Variants in TTN observed in about 807,000 individuals in gnomAD.
The protein encoded by TTN is titin, also known as connectin.
In TTN, 1,525 loss-of-function variants were observed where a neutral mutation model predicts 3,223.0. That is an observed-to-expected ratio of 0.47 (90% CI 0.45 to 0.49). The LOEUF (loss-of-function observed/expected upper bound fraction) is 0.49, where lower values mean the gene tolerates loss of function less well. TTN is among the 20% of genes least tolerant of loss of function. The probability of loss-of-function intolerance (pLI) is 0.00; values close to 1 mark genes in which losing one functional copy is unlikely to be tolerated. For synonymous variants in TTN, 14,094 were observed against 15,161.0 expected (o/e 0.93, Z 5.17); for missense variants, 40,786 against 43,424.0 (o/e 0.94, Z 5.40).
At chr2:178,543,686 A>T in intron 346 of TTN, 24 bp from the exon 347 acceptor site, 4 of 1,550,728 alleles carry the variant, frequency 2.6e-6, no homozygotes, top group Non-Finnish European at 3.5e-6. Context: ...TGAAAGATTC[A>T]TATTTCCTAT....
Position 178,679,697 on chromosome 2 carries a change from T to C in TTN, c.33581-15A>G. 3 of 1,595,382 alleles carry C rather than the reference T, an allele frequency of 1.9e-6. No individual in the cohort carries two copies. The highest frequency in any genetic ancestry group is 2.6e-6 in the Non-Finnish European group (3 of 1,173,538). ...TACCTCAGGCACTTTAAAGATATTA[T>C]TAAGAATGTTGGAAATTTTGCAGGA... On this transcript the variant is annotated splice_polypyrimidine_tract_variant and intron_variant, in intron 140 of 362. Transcript: ENST00000589042.
At position 178,704,270 on chromosome 2, in the gene TTN, G is replaced by C; in HGVS notation, c.30100C>G (p.His10034Asp). 3 of 1,613,992 alleles carry C rather than the reference G, an allele frequency of 1.9e-6. No individual in the cohort carries two copies. Among genetic ancestry groups the C allele is most frequent in the Non-Finnish European group, 2.5e-6 (3 of 1,179,872 alleles). The change falls in exon 106 of 363, where the codon CAT becomes GAT. Residue 10034 changes from histidine (H) to aspartate (D), a missense_variant. By Grantham distance (81) the His-to-Asp change is moderately conservative. Coordinates refer to ENST00000589042, the MANE Select transcript of TTN (RefSeq NM_001267550.2). ...NGRILKPQGR[H>D]KTEVEHKVHK... ...ACTTTGTGTTCCACTTCTGTTTTAT[G>C]TCTACCTTGGGGTTTAAGGATTCTG...
At position 178,569,791 on chromosome 2, in the gene TTN, C is replaced by G. The variant is rs1367546444; in HGVS notation, c.76341G>C (p.Val25447=). The part of the protein sequence containing the change: ...IQGYIVEKCD[V]SVGEWTMCTP... ...TGCACATTGTCCATTCACCAACACT[C>G]ACATCACATTTTTCAACAATGTATC... Residue 25447 remains valine (V), a synonymous_variant, in exon 326 of 363, where the codon GTG becomes GTC. Transcript: ENST00000589042. 1 of 1,613,152 alleles carries G rather than the reference C, an allele frequency of 6.2e-7. No individual in the cohort carries two copies. The highest frequency in any genetic ancestry group is 8.5e-7 in the Non-Finnish European group (1 of 1,179,596).
rs952359009 is a variant in TTN at position 178,735,862 on chromosome 2, T to C, written c.14584A>G (p.Arg4862Gly). 3 of 1,613,786 alleles carry C rather than the reference T, an allele frequency of 1.9e-6. No homozygotes were observed. The African/African-American group carries it at 4.0e-5, about 22-fold the overall frequency. Residue 4862 changes from arginine to glycine, a missense_variant, in exon 50 of 363, where the codon AGA (arginine) becomes GGA (glycine). Physicochemically the swap from Arg to Gly is moderately radical, Grantham distance 125. Coordinates refer to ENST00000589042, the MANE Select transcript of TTN (RefSeq NM_001267550.2). ...GAAGCCTTACAAGAATAAACTCCTC[T>C]ATCTTGAATGGTAAGGTTTGAGAGT... ...LELSNLTIQD[R>G]GVYSCKASNK...
Position 178,634,176 on chromosome 2 carries a change from C to T in TTN, c.42416-93G>A. 1 of 1,534,120 alleles carries T rather than the reference C, an allele frequency of 6.5e-7. No individual in the cohort carries two copies. On this transcript the variant is annotated intron_variant, in intron 230 of 362. Transcript: ENST00000589042. The surrounding 1 kb of genome is among the most constrained non-coding windows in gnomAD (Gnocchi z 4.6). ...GCCTGAGTAAAAGGGACCCATTTCA[C>T]ATGGCACTTATTTATTCATCTTTCC... is the stretch of plus-strand genomic sequence containing the variant.
intron 346 of TTN, 62 bp from the exon 347 acceptor site, chr2:178,543,724 GA>G: frequency 6.6e-7 from 1 of 1,516,542 alleles, no homozygotes; most frequent in Non-Finnish European, 8.8e-7. Context: ...TTTTCTTGGG[GA>G]AATATAATCA....
At position 178,664,929 on chromosome 2, in the gene TTN, T is replaced by A; in HGVS notation, c.36044-3A>T. 1 of 1,603,802 alleles carries A rather than the reference T, an allele frequency of 6.2e-7. No homozygotes were observed. Among genetic ancestry groups the A allele is most frequent in the Non-Finnish European group, 8.5e-7 (1 of 1,175,694 alleles). On this transcript the variant is annotated splice_region_variant and splice_polypyrimidine_tract_variant and intron_variant, in intron 165 of 362. Coordinates refer to ENST00000589042, the MANE Select transcript of TTN (RefSeq NM_001267550.2). Reference sequence around the variant, plus strand: ...AATTTCTTGAGGAGCTTCGGGCGCTTGAAAGATATTAGCAATTCACATTTA... The same window carrying A: ...AATTTCTTGAGGAGCTTCGGGCGCTAGAAAGATATTAGCAATTCACATTTA...
chr2:178,601,158 A>C lies in TTN; in HGVS notation c.55746T>G (p.Pro18582=). The change falls in exon 288 of 363, where the codon CCT becomes CCG. Residue 18582 remains proline (P), a synonymous_variant. Transcript: ENST00000589042. ...TARDPIYPPD[P]PIKLKIGLIT... is the part of the protein sequence containing the mutation. The stretch of plus-strand genomic sequence containing the variant: ...TGAGGCCAATCTTGAGTTTAATAGG[A>C]GGATCAGGAGGATCTGTAAAAATAA... 1 of 1,528,540 alleles carries C rather than the reference A, an allele frequency of 6.5e-7. No homozygotes were observed. The highest frequency in any genetic ancestry group is 1.3e-5 in the South Asian group (1 of 74,972). The allele number at this position is 1,528,540 out of a possible 1,614,324, so 94.7% of individuals were successfully genotyped here. A position where few individuals can be genotyped will look rare whatever the true frequency, so the allele number is the denominator to read the frequency against.
chr2:178,587,615 C>G lies in TTN; in HGVS notation c.63694G>C (p.Val21232Leu). ...VDLVDTMAFL[V>L]IPNSTRDDSG... ...TCATCACGGGTAGAATTGGGGATGA[C>G]AAGGAAGGCCATAGTGTCAACCAGA... The change falls in exon 306 of 363, where the codon GTC becomes CTC. Residue 21232 changes from valine (V) to leucine (L), a missense_variant. Transcript: ENST00000589042. 1 of 1,612,574 alleles carries G rather than the reference C, an allele frequency of 6.2e-7. No individual in the cohort carries two copies. Among genetic ancestry groups the G allele is most frequent in the African/African-American group, 1.3e-5 (1 of 74,940 alleles).
intron 24 of TTN, chr2:178,778,201 C>G (rs1330973744): frequency 3.6e-6 from 2 of 550,636 alleles, no homozygotes; most frequent in African/African-American, 1.9e-5. Context: ...TTCAGTATAT[C>G]CAGGTACCCA....
rs794729319 is a variant in TTN, at chr2:178,616,872, CCT to C, written c.48015_48016del (p.Asp16007ProfsTer19). On this transcript the variant is annotated frameshift_variant, in exon 256 of 363. Coordinates refer to ENST00000589042, the MANE Select transcript of TTN (RefSeq NM_001267550.2). LOFTEE classifies it high-confidence loss of function. ...CAAGGTCTTCATTTTCACCCGGTCCCCTGTTTCTAGTACTTTATCTCCAAAAC... is the reference window on the plus strand; with the variant it reads ...CAAGGTCTTCATTTTCACCCGGTCCCGTTTCTAGTACTTTATCTCCAAAAC... 1.2e-6 allele frequency: 2 copies of C among 1,612,536 alleles called. No homozygotes were observed. Among genetic ancestry groups the C allele is most frequent in the African/African-American group, 1.3e-5 (1 of 74,808 alleles).
At position 178,723,230 on chromosome 2, in the gene TTN, A is replaced by T. The variant is rs727505220; in HGVS notation, c.21777T>A (p.Ile7259=). Residue 7259 remains isoleucine, a synonymous_variant, in exon 75 of 363, where the codon ATT becomes ATA. Coordinates refer to ENST00000589042, the MANE Select transcript of TTN (RefSeq NM_001267550.2). Reference sequence around the variant, plus strand: ...AACCATCCTTTTTCCAAGTGACAGAAATTGGAAGTGTTCCAGTGTAGGTGC... The same window carrying T: ...AACCATCCTTTTTCCAAGTGACAGATATTGGAAGTGTTCCAGTGTAGGTGC... ...LESTYTGTLP[I]SVTWKKDGFN... is the part of the protein sequence containing the mutation. 1.4e-5 allele frequency: 23 copies of T among 1,613,482 alleles called. No individual in the cohort carries two copies. Among genetic ancestry groups the T allele is most frequent in the African/African-American group, 5.3e-5 (4 of 74,892 alleles).
rs727505214 is a variant in TTN at position 178,566,126 on chromosome 2, C to T, written c.80006G>A (p.Ser26669Asn). ...AGTTACAAAAGCAGACTTTGATCCA[C>T]TGCTGTTTTCCAACTTAAGAATGTA... ...GKYILKLENS[S>N]GSKSAFVTVK... Residue 26669 changes from serine (S) to asparagine (N), a missense_variant, in exon 326 of 363, where the codon AGT becomes AAT. Transcript: ENST00000589042. 12 of 1,613,680 alleles carry T rather than the reference C, an allele frequency of 7.4e-6. No individual in the cohort carries two copies. Among genetic ancestry groups the T allele is most frequent in the Non-Finnish European group, 1.0e-5 (12 of 1,179,678 alleles).
chr2:178,732,432 A>AACCTTT lies in TTN; in HGVS notation c.16621+7_16621+8insAAAGGT, dbSNP rs1466048415. 2 of 1,595,518 alleles carry AACCTTT rather than the reference A, an allele frequency of 1.3e-6. No homozygotes were observed. Among genetic ancestry groups the AACCTTT allele is most frequent in the African/African-American group, 2.7e-5 (2 of 74,038 alleles). On this transcript the variant is annotated splice_region_variant and intron_variant, in intron 56 of 362. Transcript: ENST00000589042. ...TTAGCACAAAGATGTCAAGAAAACAATGCAAACCTTTTACAAACAAGTTTG... is the reference window on the plus strand; with the variant it reads ...TTAGCACAAAGATGTCAAGAAAACAAACCTTTTGCAAACCTTTTACAAACAAGTTTG...
chr2:178,678,862 A>AT, intron 142 of TTN, 32 bp from the exon 143 acceptor site: 1 of 1,549,224 alleles, frequency 6.5e-7, no homozygotes, highest in Non-Finnish European at 8.7e-7. Flanking sequence ...TTAGTGTCAC[A>AT]TTTTTTACCC....
In TTN at chr2:178,533,187, T is replaced by G; in HGVS notation, c.103428A>C (p.Gln34476His). ...CAGCCATTCTGAGGGTTTTGTCAAT[T>G]TGTTTTTGTACGTGTCGCTCATGCT... is the stretch of plus-strand genomic sequence containing the variant. ...KEEHERHVQK[Q>H]IDKTLRMAEI... The change falls in exon 358 of 363, where the codon CAA becomes CAC. Residue 34476 changes from glutamine (Q) to histidine (H), a missense_variant. Physicochemically the swap from Gln to His is conservative, Grantham distance 24. Coordinates refer to ENST00000589042, the MANE Select transcript of TTN (RefSeq NM_001267550.2). The G allele has an allele frequency of 6.2e-7, 1 of 1,613,934 alleles. No individual in the cohort carries two copies. Among genetic ancestry groups the G allele is most frequent in the Non-Finnish European group, 8.5e-7 (1 of 1,179,848 alleles).
Position 178,590,684 on chromosome 2 carries a change from A to G in TTN, c.61041T>C (p.Ala20347=), listed in dbSNP as rs764447938. Residue 20347 remains alanine, a synonymous_variant, in exon 304 of 363, where the codon GCT becomes GCC. Coordinates refer to ENST00000589042, the MANE Select transcript of TTN (RefSeq NM_001267550.2). ...GTTTGCTTAGTCCTGCAAGATTTTC[A>G]GCAAAAACTCTAAACTCATATGTAT... ...EGNTYEFRVF[A]ENLAGLSKPS... is the part of the protein sequence containing the mutation. The G allele has an allele frequency of 1.4e-5, 23 of 1,613,186 alleles. No individual in the cohort carries two copies. In the East Asian group the frequency reaches 3.6e-4, roughly 25 times the overall value.
rs148434577 is a variant in TTN, at chr2:178,776,167, G to A, written c.5697C>T (p.Ile1899=). ...CTGTGTCATATGATTTGCAGTCCACGATGTCCAGGTAATGGATACCATCAT... is the reference window on the plus strand; with the variant it reads ...CTGTGTCATATGATTTGCAGTCCACAATGTCCAGGTAATGGATACCATCAT... ...VRYDGIHYLD[I]VDCKSYDTGE... The change falls in exon 28 of 363, where the codon ATC becomes ATT. Residue 1899 remains isoleucine, a synonymous_variant. Coordinates refer to ENST00000589042, the MANE Select transcript of TTN (RefSeq NM_001267550.2). 2.5e-4 allele frequency: 410 copies of A among 1,614,076 alleles called. 1 individual carries two copies. The Middle Eastern group carries it at 2.6e-3, about 10-fold the overall frequency.
chr2:178,573,931 T>C lies in TTN; in HGVS notation c.72201A>G (p.Gly24067=). 1 of 1,613,162 alleles carries C rather than the reference T, an allele frequency of 6.2e-7. No homozygotes were observed. Among genetic ancestry groups the C allele is most frequent in the Non-Finnish European group, 8.5e-7 (1 of 1,179,446 alleles). The change falls in exon 326 of 363, where the codon GGA becomes GGG. Residue 24067 remains glycine, a synonymous_variant. Coordinates refer to ENST00000589042, the MANE Select transcript of TTN (RefSeq NM_001267550.2). ...ACTTTGCTGTGCCTTCCAGCTCTTT[T>C]CCATCTTTGCTCCATTCCATTGTTG... The part of the protein sequence containing the change: ...PPPTMEWSKD[G]KELEGTAKLE...
Sources: gnomAD v4.1 joint callset for allele counts on GRCh38, gnomAD v4.1.1 for gene constraint, Gnocchi (gnomAD v3.1) non-coding constraint, MANE v1.5 for transcripts, NCBI Gene and HGNC (gene_info 2026-07-23, HGNC 2026-07-21) for gene names.